CCDC60: variants seen among roughly 807,000 people sequenced by gnomAD.
CCDC60 encodes coiled-coil domain-containing protein 60.
A neutral mutation model predicts 63.5 loss-of-function variants in CCDC60; 54 were observed. The observed-to-expected ratio is 0.85, with a 90% CI of 0.68 to 1.07. The LOEUF is 1.07. Ranked by LOEUF, CCDC60 falls within the 50% of genes least tolerant of loss-of-function variation. The probability of loss-of-function intolerance (pLI) is 0.00; values close to 1 mark genes in which losing one functional copy is unlikely to be tolerated. For missense variants in CCDC60, 651 were observed against 684.3 expected (o/e 0.95, Z 0.54); for synonymous variants, 206 against 238.8 (o/e 0.86, Z 1.27).
Position 119,420,316 on chromosome 12 carries a change from A to G in CCDC60, c.91-8367A>G, listed in dbSNP as rs1956789801. Reference sequence around the variant, plus strand: ...CAAAAAAAATACCTCACTCTCCCCAAAAGGAACTGCCTATCAACACCATAA... The same window carrying G: ...CAAAAAAAATACCTCACTCTCCCCAGAAGGAACTGCCTATCAACACCATAA... On this transcript the variant is annotated intron_variant, in intron 1 of 13. Coordinates refer to ENST00000327554, the MANE Select transcript of CCDC60 (RefSeq NM_178499.5). The surrounding 1 kb of genome is among the most constrained non-coding windows in gnomAD (Gnocchi z 4.1). Among the ~76,000 whole-genome samples the G allele has an allele frequency of 6.6e-6, 1 of 152,176 alleles. No individual in the cohort carries two copies. Among genetic ancestry groups the G allele is most frequent in the East Asian group, 1.9e-4 (1 of 5,204 alleles).
intron 1 of CCDC60, among the ~76,000 whole-genome samples, chr12:119,397,064 GCATCTGGAGTTGTTCGTTCCTCC>G (rs1170990747): frequency 6.6e-6 from 1 of 152,118 alleles, no homozygotes; most frequent in Non-Finnish European, 1.5e-5. Context: ...TAAAGGCAGG[GCATCTGGAGTTGTTCGTTCCTCC>G]CCTCCAGAGT....
intron 1 of CCDC60, among the ~76,000 whole-genome samples, chr12:119,372,100 A>C (rs749925668): frequency 6.6e-5 from 10 of 152,142 alleles, no homozygotes; most frequent in Non-Finnish European, 1.3e-4. Context: ...TCTACTAAAA[A>C]TACAAAAAAA....
At chr12:119,368,137 G>A (rs1955861364) in intron 1 of CCDC60, among the ~76,000 whole-genome samples, 1 of 137,278 alleles carries the variant, frequency 7.3e-6, no homozygotes, top group South Asian at 2.4e-4. Context: ...GAAGAAGGAA[G>A]AAGAGAGGAG....
At chr12:119,368,827 C>T (rs576189890) in intron 1 of CCDC60, among the ~76,000 whole-genome samples, 4 of 152,306 alleles carry the variant, frequency 2.6e-5, no homozygotes, top group South Asian at 4.2e-4. Flanking sequence ...TCCACTTAGT[C>T]GCCACTTTAT....
intron 1 of CCDC60, among the ~76,000 whole-genome samples, chr12:119,403,561 G>A (rs566960623): frequency 3.3e-5 from 5 of 152,214 alleles, no homozygotes; most frequent in South Asian, 4.2e-4. Context: ...ACAGTGGCCT[G>A]GGGAGAGTCC....
rs1190203159 is a variant in CCDC60, at chr12:119,454,356, C to G, written c.171-17638C>G. ...GAGATAATGCATATAAAGTGCTTAG[C>G]TCAGTGCCTCACTCAAGCCATCACT... On this transcript the variant is annotated intron_variant, in intron 2 of 13. Transcript: ENST00000327554. Among the ~76,000 whole-genome samples, 3 of 152,120 alleles carry G rather than the reference C, an allele frequency of 2.0e-5. No homozygotes were observed. In the East Asian group the frequency reaches 5.8e-4, roughly 29 times the overall value.
In CCDC60 at chr12:119,505,028, C is replaced by G. The variant is rs376989952; in HGVS notation, c.649-41C>G. 116 of 1,433,600 alleles carry G rather than the reference C, an allele frequency of 8.1e-5. No homozygotes were observed. The African/African-American group carries it at 1.5e-3, about 18-fold the overall frequency. The allele number at this position is 1,433,600 out of a possible 1,614,324, so 88.8% of individuals were successfully genotyped here. ...TTTCTTTCTTTCTTCCATCTTTTTC[C>G]CCCTCCTTCCTGAAACCTCTCTTTC... On this transcript the variant is annotated intron_variant, in intron 6 of 13. Transcript: ENST00000327554.
chr12:119,394,398 A>G lies in CCDC60; in HGVS notation c.91-34285A>G, dbSNP rs376215370. On this transcript the variant is annotated intron_variant, in intron 1 of 13. Coordinates refer to ENST00000327554, the MANE Select transcript of CCDC60 (RefSeq NM_178499.5). ...TGCCTGTTACAAAGGAAACGGGGTA[A>G]TTTCATGCTTCAAGAGATCTACATG... Among the ~76,000 whole-genome samples, 294 of 152,246 alleles carry G rather than the reference A, an allele frequency of 1.9e-3. 12 individuals are homozygous for G. The South Asian group carries it at 0.06, about 31-fold the overall frequency.
At chr12:119,349,804 GA>G (rs1472491942) in intron 1 of CCDC60, among the ~76,000 whole-genome samples, 1 of 152,114 alleles carries the variant, frequency 6.6e-6, no homozygotes, top group Non-Finnish European at 1.5e-5. Flanking sequence ...CCTGTTCATT[GA>G]ATGAAGCCTG....
intron 2 of CCDC60, among the ~76,000 whole-genome samples, chr12:119,452,508 C>T (rs1167357982): frequency 6.6e-6 from 1 of 152,162 alleles, no homozygotes; most frequent in Non-Finnish European, 1.5e-5. Context: ...AATCACTGAA[C>T]CTCTTAGCAT....
intron 2 of CCDC60, among the ~76,000 whole-genome samples, chr12:119,439,766 T>C (rs2136255900): frequency 6.6e-6 from 1 of 152,344 alleles, no homozygotes; most frequent in South Asian, 2.1e-4. Flanking sequence ...CAGTGATATT[T>C]TCAAGCTCAG....
Position 119,519,428 on chromosome 12 carries a change from T to C in CCDC60, c.969-693T>C, listed in dbSNP as rs1183958435. On this transcript the variant is annotated intron_variant, in intron 8 of 13. Coordinates refer to ENST00000327554, the MANE Select transcript of CCDC60 (RefSeq NM_178499.5). ...GTGTGTGTGTGTGTGTGTGTGTGTGTGTGTGTGCGCGTGTGTGTGTGTGTA... is the reference window on the plus strand; with the variant it reads ...GTGTGTGTGTGTGTGTGTGTGTGTGCGTGTGTGCGCGTGTGTGTGTGTGTA... Among the ~76,000 whole-genome samples, 1,219 of 132,326 alleles carry C rather than the reference T, an allele frequency of 9.2e-3. 17 individuals carry two copies. The highest frequency in any genetic ancestry group is 0.066 in the East Asian group (307 of 4,630). The allele number at this position is 132,326 out of a possible 152,430, so 86.8% of individuals were successfully genotyped here.
chr12:119,534,630 T>C (rs985844769), intron 13 of CCDC60, among the ~76,000 whole-genome samples: 4 of 152,230 alleles, frequency 2.6e-5, no homozygotes. Flanking sequence ...CATGAAGGGC[T>C]GTTGAATTTT....
At chr12:119,463,610 G>A (rs1033578807) in intron 2 of CCDC60, among the ~76,000 whole-genome samples, 27 of 152,266 alleles carry the variant, frequency 1.8e-4, no homozygotes, top group African/African-American at 5.3e-4. Context: ...AAAACTGCTG[G>A]TAAGAAGCAC....
chr12:119,471,666 T>C (rs1228149425), intron 2 of CCDC60, among the ~76,000 whole-genome samples: 7 of 151,970 alleles, frequency 4.6e-5, no homozygotes, highest in Non-Finnish European at 1.0e-4. Context: ...TCTGGCTGAG[T>C]CTGGAAATCT....
At chr12:119,404,085 C>T (rs1253891303) in intron 1 of CCDC60, among the ~76,000 whole-genome samples, 3 of 152,024 alleles carry the variant, frequency 2.0e-5, no homozygotes, top group African/African-American at 7.2e-5. Flanking sequence ...GTCAGGAGTT[C>T]GAGAACAGCC....
chr12:119,355,692 G>T (rs1002694600), intron 1 of CCDC60, among the ~76,000 whole-genome samples: 1 of 152,238 alleles, frequency 6.6e-6, no homozygotes, highest in Non-Finnish European at 1.5e-5. Flanking sequence ...GAGCAGGGCT[G>T]CCCCATAGGC....
intron 1 of CCDC60, among the ~76,000 whole-genome samples, chr12:119,340,470 C>A (rs1463437327): frequency 6.6e-6 from 1 of 152,090 alleles, no homozygotes; most frequent in African/African-American, 2.4e-5. Context: ...AAGAAGGGGG[C>A]AAACCCAGGT....
rs150162958 is a variant in CCDC60 at position 119,481,197 on chromosome 12, G to T, written c.449+1996G>T. On this transcript the variant is annotated intron_variant, in intron 4 of 13. Coordinates refer to ENST00000327554, the MANE Select transcript of CCDC60 (RefSeq NM_178499.5). ...TCCCACTGTCCCCCTACCTCTCTTT[G>T]ATTGGTATTATGATTATAATATTCC... Among the ~76,000 whole-genome samples the T allele has an allele frequency of 1.1e-3, 160 of 152,216 alleles. 2 individuals carry two copies. Among genetic ancestry groups the T allele is most frequent in the African/African-American group, 3.6e-3 (151 of 41,536 alleles).
Sources: gnomAD v4.1 joint callset for allele counts (sites outside exome capture counted in the v4.1 genomes callset) on GRCh38, gnomAD v4.1.1 for gene constraint, Gnocchi (gnomAD v3.1) non-coding constraint, MANE v1.5 for transcripts, NCBI Gene and HGNC (gene_info 2026-07-23, HGNC 2026-07-21) for gene names.